Variants in MBOAT2 observed in about 807,000 individuals in gnomAD.
MBOAT2 encodes membrane bound glycerophospholipid O-acyltransferase 2.
Under a neutral mutation model 63.4 loss-of-function variants are expected in MBOAT2, and 28 were observed. The observed-to-expected ratio is 0.44, with a 90% confidence interval of 0.33 to 0.61. The LOEUF is 0.61. MBOAT2 is among the 20% of genes least tolerant of loss of function. The probability of loss-of-function intolerance (pLI) is 0.03; values close to 1 mark genes in which losing one functional copy is unlikely to be tolerated. For missense variants in MBOAT2, 470 were observed against 605.8 expected, an observed-to-expected ratio of 0.78 and a Z score of 2.35; for synonymous variants, 211 against 215.6, an observed-to-expected ratio of 0.98 and a Z score of 0.19.
Position 8,943,278 on chromosome 2 carries a change from G to A in MBOAT2, c.222-14C>T. On this transcript the variant is annotated splice_polypyrimidine_tract_variant and intron_variant, in intron 2 of 12. Transcript: ENST00000305997. ...TGTAAGGCATACCTATAAAAAGTAA[G>A]AGCACTATTAGAAGAGGGATGCCAA... The A allele has an allele frequency of 1.3e-6, 2 of 1,514,700 alleles. No homozygotes were observed. Among genetic ancestry groups the A allele is most frequent in the South Asian group, 1.3e-5 (1 of 78,188 alleles). 93.8% of individuals were successfully genotyped at this position (1,514,700 alleles called of 1,614,324 possible).
intron 7 of MBOAT2, among the ~76,000 whole-genome samples, chr2:8,876,226 C>A (rs11894531): frequency 0.23 from 34,681 of 152,150 alleles, 6,104 homozygotes; most frequent in African/African-American, 0.49. Flanking sequence ...AGAAAATAAA[C>A]ATTATGTTTG....
chr2:8,964,532 AT>A (rs1353567358), intron 1 of MBOAT2, among the ~76,000 whole-genome samples: 2 of 149,872 alleles, frequency 1.3e-5, no homozygotes, highest in African/African-American at 2.5e-5. Flanking sequence ...AGCTTCTGCA[AT>A]TTTTTTCACT....
intron 2 of MBOAT2, among the ~76,000 whole-genome samples, chr2:8,943,743 A>G (rs1035797288): frequency 1.3e-5 from 2 of 152,264 alleles, no homozygotes; most frequent in African/African-American, 2.4e-5. Context: ...AGAATTTACA[A>G]AAGAAAAGCG....
intron 1 of MBOAT2, among the ~76,000 whole-genome samples, chr2:8,959,177 A>T (rs1024752192): frequency 2.0e-5 from 3 of 152,184 alleles, no homozygotes; most frequent in African/African-American, 7.2e-5. Flanking sequence ...CGGCCTAAAC[A>T]TCACCACTGT....
intron 1 of MBOAT2, among the ~76,000 whole-genome samples, chr2:8,972,573 G>T (rs1162135129): frequency 2.0e-5 from 3 of 152,176 alleles, no homozygotes; most frequent in Non-Finnish European, 1.5e-5. Context: ...CCATCAGAGT[G>T]AACAGGCAAC....
intron 4 of MBOAT2, among the ~76,000 whole-genome samples, chr2:8,907,440 A>C (rs1054209295): frequency 6.6e-6 from 1 of 152,138 alleles, no homozygotes; most frequent in Non-Finnish European, 1.5e-5. Context: ...TTATATAACT[A>C]TTTCCCAATT....
intron 3 of MBOAT2, among the ~76,000 whole-genome samples, chr2:8,916,753 G>C (rs1172221421): frequency 1.3e-5 from 2 of 152,184 alleles, no homozygotes; most frequent in African/African-American, 4.8e-5. Flanking sequence ...CTGCATAAAA[G>C]GCTTGCACAT....
chr2:8,862,397 G>C lies in MBOAT2; in HGVS notation c.1185+193C>G, dbSNP rs1661556717. 7.2e-7 allele frequency: 1 copy of C among 1,385,236 alleles called. No individual in the cohort carries two copies. Among genetic ancestry groups the C allele is most frequent in the African/African-American group, 1.4e-5 (1 of 69,458 alleles). The allele number at this position is 1,385,236 out of a possible 1,614,324, so 85.8% of individuals were successfully genotyped here. On this transcript the variant is annotated intron_variant, in intron 11 of 12. Coordinates refer to ENST00000305997, the MANE Select transcript of MBOAT2 (RefSeq NM_138799.4). This position sits in a 1 kb window ranked among gnomAD's most constrained non-coding sequence, Gnocchi z 4.3. ...ATAGAAACGTGTTTTCTCCTCACAG[G>C]AACTGGGCATGGAGCCTAGCCCGTG...
chr2:8,916,602 G>T (rs530781850), intron 3 of MBOAT2, among the ~76,000 whole-genome samples: 2 of 152,270 alleles, frequency 1.3e-5, no homozygotes, highest in South Asian at 2.1e-4. Context: ...GGAAAAACAG[G>T]TGATGTCACC....
intron 4 of MBOAT2, among the ~76,000 whole-genome samples, chr2:8,890,304 A>G (rs7608467): frequency 0.045 from 6,864 of 152,114 alleles, 275 homozygotes; most frequent in African/African-American, 0.11. Flanking sequence ...ACACACACAC[A>G]CGCGCGCACG....
At chr2:8,958,700 T>C in intron 1 of MBOAT2, 58 bp from the exon 2 acceptor site, 1 of 1,407,290 alleles carries the variant, frequency 7.1e-7, no homozygotes, top group South Asian at 1.7e-5. Context: ...TTTCATATCA[T>C]GTTACATTGA....
Position 8,858,439 on chromosome 2 carries a change from G to A in MBOAT2, c.*240C>T. ...TGTGACCCTACGGACAAGTGCTGAG[G>A]TTGGGAGTGCCCACTGAAATATGGA... On this transcript the variant is annotated 3_prime_UTR_variant, in exon 13 of 13. Coordinates refer to ENST00000305997, the MANE Select transcript of MBOAT2 (RefSeq NM_138799.4). 2.2e-6 allele frequency: 1 copy of A among 449,720 alleles called. No individual in the cohort carries two copies. The allele number at this position is 449,720 out of a possible 1,614,324, so 27.9% of individuals were successfully genotyped here.
rs527391838 is a variant in MBOAT2 at position 8,864,607 on chromosome 2, G to A, written c.988-373C>T. ...TGTTACCTCCTTCCCGCCAAGCTCC[G>A]CCATGGTCCTGGGTGAAGCAGACAT... On this transcript the variant is annotated intron_variant, in intron 9 of 12. Transcript: ENST00000305997. Among the ~76,000 whole-genome samples the A allele has an allele frequency of 4.6e-5, 7 of 151,830 alleles. 1 individual carries two copies. The highest frequency in any genetic ancestry group is 9.7e-5 in the African/African-American group (4 of 41,422).
At chr2:8,889,643 A>C (rs1270350693) in intron 4 of MBOAT2, among the ~76,000 whole-genome samples, 1 of 152,216 alleles carries the variant, frequency 6.6e-6, no homozygotes, top group East Asian at 1.9e-4. Context: ...TTTTTCTCAC[A>C]CTGCCTAATT....
chr2:8,954,192 A>G (rs1018924604), intron 2 of MBOAT2, among the ~76,000 whole-genome samples: 6 of 151,906 alleles, frequency 3.9e-5, no homozygotes, highest in African/African-American at 7.3e-5. Flanking sequence ...CTATAGCCCT[A>G]TACACTTCTT....
rs1660899031 is a variant in MBOAT2, at chr2:8,853,576, TA to T, written c.*5102del. On this transcript the variant is annotated 3_prime_UTR_variant, in exon 13 of 13. Coordinates refer to ENST00000305997, the MANE Select transcript of MBOAT2 (RefSeq NM_138799.4). ...TCAAACATGTTACTAAGAAACTGCC[TA>T]GTCATTTTACTTATGTTGCTCTGTA... 2 of 152,216 alleles carry T rather than the reference TA, an allele frequency of 1.3e-5. No homozygotes were observed. Among genetic ancestry groups the T allele is most frequent in the African/African-American group, 4.8e-5 (2 of 41,448 alleles). 9.4% of individuals were successfully genotyped at this position (152,216 alleles called of 1,614,324 possible).
At chr2:8,911,181 T>G (rs1444757434) in intron 3 of MBOAT2, among the ~76,000 whole-genome samples, 1 of 152,198 alleles carries the variant, frequency 6.6e-6, no homozygotes, top group East Asian at 1.9e-4. Flanking sequence ...GCAAAACACT[T>G]GTCCATTAGT....
chr2:8,862,619 CT>C lies in MBOAT2; in HGVS notation c.1155del (p.Val387CysfsTer2). Reference protein sequence around the residue: ...VYPGYYLTFLTGVLMTLAARA... With the variant: ...VYPGYYLTFLXGVLMTLAARA... ...CTTGCTGCTAATGTCATTAACACCC[CT>C]GTTAGAAACGTTAGATAATATCCTG... On this transcript the variant is annotated frameshift_variant, in exon 11 of 13. Transcript: ENST00000305997. LOFTEE classifies it high-confidence loss of function. The surrounding 1 kb of genome is among the most constrained non-coding windows in gnomAD (Gnocchi z 4.3). 1 of 1,612,792 alleles carries C rather than the reference CT, an allele frequency of 6.2e-7. No homozygotes were observed. The highest frequency in any genetic ancestry group is 8.5e-7 in the Non-Finnish European group (1 of 1,179,680).
chr2:8,910,815 A>G (rs1665659430), intron 3 of MBOAT2, among the ~76,000 whole-genome samples: 1 of 152,250 alleles, frequency 6.6e-6, no homozygotes, highest in Non-Finnish European at 1.5e-5. Flanking sequence ...TAGACTGAAA[A>G]GGAGAGACAG....
Sources: gnomAD v4.1 joint callset for allele counts (sites outside exome capture counted in the v4.1 genomes callset) on GRCh38, gnomAD v4.1.1 for gene constraint, Gnocchi (gnomAD v3.1) non-coding constraint, MANE v1.5 for transcripts, NCBI Gene and HGNC (gene_info 2026-07-23, HGNC 2026-07-21) for gene names.